ZNF407: variants seen among roughly 807,000 people sequenced by gnomAD.
ZNF407 encodes zinc finger protein 407.
Under a neutral mutation model 131.2 loss-of-function variants are expected in ZNF407, and 17 were observed. The ratio of observed to expected loss-of-function variants is 0.13; its 90% CI spans 0.09 to 0.19. The LOEUF is 0.19. ZNF407 is among the 10% of genes least tolerant of loss of function. The pLI is 1.00. For synonymous variants in ZNF407, 1,156 were observed against 1,062.0 expected, an observed-to-expected ratio of 1.09 and a Z score of -1.72; for missense variants, 2,681 against 2,830.6, an observed-to-expected ratio of 0.95 and a Z score of 1.20.
At chr18:74,787,330 AT>A (rs1464486241) in intron 4 of ZNF407, among the ~76,000 whole-genome samples, 2 of 152,174 alleles carry the variant, frequency 1.3e-5, no homozygotes, top group Non-Finnish European at 2.9e-5. Context: ...ATTTGGAAGT[AT>A]TTCTAAATTC....
At chr18:74,865,201 A>G (rs1203301987) in intron 4 of ZNF407, among the ~76,000 whole-genome samples, 1 of 152,202 alleles carries the variant, frequency 6.6e-6, no homozygotes, top group Non-Finnish European at 1.5e-5. Flanking sequence ...TCTCAGAGCC[A>G]AAAGAGGAGT....
chr18:74,631,822 A>G lies in ZNF407; in HGVS notation c.803A>G (p.His268Arg). 1.2e-6 allele frequency: 2 copies of G among 1,614,042 alleles called. No individual in the cohort carries two copies. The highest frequency in any genetic ancestry group is 1.3e-5 in the African/African-American group (1 of 75,058). ...LLNAHYLGKT[H>R]LRRQNLAARG... is the part of the protein sequence containing the mutation. ...AATGCACATTATCTTGGCAAAACAC[A>G]TCTCCGTCGTCAGAATCTGGCTGCT... is the stretch of plus-strand genomic sequence containing the variant. The change falls in exon 2 of 9, where the codon CAT (histidine) becomes CGT (arginine). Residue 268 changes from histidine (H) to arginine (R), a missense_variant. Around this residue, in one of 6 missense-constraint regions of ZNF407, gnomAD observed 1,789 missense variants for 1,748.7 expected, o/e 1.02. Coordinates refer to ENST00000299687, the MANE Select transcript of ZNF407 (RefSeq NM_017757.3).
chr18:75,018,283 C>T (rs1344213343), intron 8 of ZNF407, among the ~76,000 whole-genome samples: 1 of 151,008 alleles, frequency 6.6e-6, no homozygotes, highest in African/African-American at 2.4e-5. Flanking sequence ...AACCCAAGCA[C>T]CTATAAATAT....
intron 8 of ZNF407, among the ~76,000 whole-genome samples, chr18:74,981,644 C>T (rs546796878): frequency 2.6e-5 from 4 of 151,802 alleles, no homozygotes; most frequent in Admixed American, 6.6e-5. Context: ...AGGGCACTGT[C>T]GCTCGGCCCT....
In ZNF407 at chr18:75,048,123, C is replaced by G. The variant is rs913607333; in HGVS notation, c.5429-15027C>G. On this transcript the variant is annotated intron_variant, in intron 8 of 8. Coordinates refer to ENST00000299687, the MANE Select transcript of ZNF407 (RefSeq NM_017757.3). The surrounding 1 kb of genome is among the most constrained non-coding windows in gnomAD (Gnocchi z 4.1). ...AGAGGAAAATGACCAGAATCATAGACTCAGATCCTAATGCAGCTGAAGCTG... is the reference window on the plus strand; with the variant it reads ...AGAGGAAAATGACCAGAATCATAGAGTCAGATCCTAATGCAGCTGAAGCTG... 6.6e-6 allele frequency among the ~76,000 whole-genome samples: 1 copy of G among 152,228 alleles called. No individual in the cohort carries two copies. The highest frequency in any genetic ancestry group is 1.5e-5 in the Non-Finnish European group (1 of 68,036).
Position 75,034,364 on chromosome 18 carries a change from C to T in ZNF407, c.5429-28786C>T, listed in dbSNP as rs781340387. ...TGTCGCCCAGGCTGGAGTGCAGTGG[C>T]GCGACCTCGACTCACTGCAAGCTCC... On this transcript the variant is annotated intron_variant, in intron 8 of 8. Coordinates refer to ENST00000299687, the MANE Select transcript of ZNF407 (RefSeq NM_017757.3). 8.2e-4 allele frequency among the ~76,000 whole-genome samples: 110 copies of T among 134,532 alleles called. 1 individual carries two copies. The highest frequency in any genetic ancestry group is 6.6e-4 in the Non-Finnish European group (43 of 65,632). The allele number at this position is 134,532 out of a possible 152,430, so 88.3% of individuals were successfully genotyped here. A position where few individuals can be genotyped will look rare whatever the true frequency, so the allele number is the denominator to read the frequency against.
chr18:74,700,811 T>C lies in ZNF407; in HGVS notation c.4802+59689T>C, dbSNP rs139788693. On this transcript the variant is annotated intron_variant, in intron 3 of 8. Transcript: ENST00000299687. ...AAAGATGAAAGTACTGGTTTGCTTC[T>C]GGAACCTGTTCTTTTTTCCATTAAG... Among the ~76,000 whole-genome samples the C allele has an allele frequency of 7.9e-5, 12 of 152,290 alleles. No homozygotes were observed. The East Asian group carries it at 2.3e-3, about 29-fold the overall frequency.
intron 4 of ZNF407, among the ~76,000 whole-genome samples, chr18:74,848,020 A>G (rs1299222542): frequency 1.3e-5 from 2 of 152,106 alleles, no homozygotes; most frequent in Non-Finnish European, 2.9e-5. Flanking sequence ...TTTAGAAGTG[A>G]TGCCTTTTTT....
At chr18:74,622,175 G>T (rs148863486) in intron 1 of ZNF407, among the ~76,000 whole-genome samples, 4 of 152,064 alleles carry the variant, frequency 2.6e-5, no homozygotes, top group Non-Finnish European at 4.4e-5. Context: ...GGAGTGCAGC[G>T]CCCTTTAGTT....
In ZNF407 at chr18:74,872,721, A is replaced by C. The variant is rs938918781; in HGVS notation, c.4878-4476A>C. On this transcript the variant is annotated intron_variant, in intron 4 of 8. Transcript: ENST00000299687. ...CAGTGAGCTGAGATCGGGCCACTCT[A>C]CTCCAGCCTGGTGGCAGAGCGAGAC... is the stretch of plus-strand genomic sequence containing the variant. Among the ~76,000 whole-genome samples the C allele has an allele frequency of 6.1e-5, 9 of 148,426 alleles. No individual in the cohort carries two copies. The Admixed American group carries it at 6.2e-4, about 10-fold the overall frequency.
chr18:74,731,804 T>C (rs1968300526), intron 3 of ZNF407, among the ~76,000 whole-genome samples: 1 of 152,104 alleles, frequency 6.6e-6, no homozygotes, highest in Non-Finnish European at 1.5e-5. Context: ...TTAAACAGTG[T>C]CCATTCCTTG....
At chr18:74,715,959 A>G (rs140673984) in intron 3 of ZNF407, among the ~76,000 whole-genome samples, 102 of 152,260 alleles carry the variant, frequency 6.7e-4, no homozygotes, top group South Asian at 1.2e-3. Flanking sequence ...GTCTGTAGTC[A>G]TGCAATTGCT....
chr18:74,972,322 CAGG>C (rs922143036), intron 8 of ZNF407, among the ~76,000 whole-genome samples: 2 of 152,244 alleles, frequency 1.3e-5, no homozygotes, highest in Non-Finnish European at 2.9e-5. Context: ...TTCCCACCAA[CAGG>C]AGATGTGTGA....
chr18:74,833,264 G>T (rs1970509959), intron 4 of ZNF407, among the ~76,000 whole-genome samples: 1 of 152,194 alleles, frequency 6.6e-6, no homozygotes, highest in Non-Finnish European at 1.5e-5. Flanking sequence ...TAGGTGCTGA[G>T]GACACAGTTA....
intron 3 of ZNF407, among the ~76,000 whole-genome samples, chr18:74,688,860 G>T (rs899533894): frequency 1.3e-5 from 2 of 151,890 alleles, no homozygotes; most frequent in South Asian, 2.1e-4. Flanking sequence ...ACAGAGTCTC[G>T]CTCTGTCACC....
At chr18:74,667,948 T>TGTA in intron 3 of ZNF407, among the ~76,000 whole-genome samples, 1 of 152,246 alleles carries the variant, frequency 6.6e-6, no homozygotes, top group Non-Finnish European at 1.5e-5. Context: ...CAATTTTGTT[T>TGTA]ACTTTGAGAA....
chr18:74,961,392 C>T (rs1972341957), intron 8 of ZNF407, among the ~76,000 whole-genome samples: 1 of 152,146 alleles, frequency 6.6e-6, no homozygotes, highest in Non-Finnish European at 1.5e-5. Flanking sequence ...AACTGTTGTG[C>T]TGTAAGACAG....
Position 74,633,977 on chromosome 18 carries a change from T to G in ZNF407, c.2958T>G (p.Leu986=). The change falls in exon 2 of 9, where the codon CTT becomes CTG. Residue 986 remains leucine, a synonymous_variant. Coordinates refer to ENST00000299687, the MANE Select transcript of ZNF407 (RefSeq NM_017757.3). ...SLDGEVNSHL[L]DKKEQISSEP... is the part of the protein sequence containing the mutation. ...ATGGAGAAGTTAACAGCCATCTTCT[T>G]GATAAAAAGGAGCAAATATCTTCAG... The G allele has an allele frequency of 6.2e-7, 1 of 1,614,010 alleles. No homozygotes were observed. The highest frequency in any genetic ancestry group is 8.5e-7 in the Non-Finnish European group (1 of 1,179,888).
chr18:74,907,646 C>A (rs1358173993), intron 7 of ZNF407, among the ~76,000 whole-genome samples: 1 of 152,152 alleles, frequency 6.6e-6, no homozygotes, highest in African/African-American at 2.4e-5. Flanking sequence ...GTATAGAATT[C>A]CCTAGTATGG....
Sources: gnomAD v4.1 joint callset for allele counts (sites outside exome capture counted in the v4.1 genomes callset) on GRCh38, gnomAD v4.1.1 for gene constraint, gnomAD v4.1.1 regional missense constraint, Gnocchi (gnomAD v3.1) non-coding constraint, MANE v1.5 for transcripts, NCBI Gene and HGNC (gene_info 2026-07-23, HGNC 2026-07-21) for gene names.